Variants in GRIK2 observed in about 807,000 individuals in gnomAD.
GRIK2 encodes glutamate ionotropic receptor kainate type subunit 2, also known as glutamate receptor ionotropic, kainate 2.
Under a neutral mutation model 100.3 loss-of-function variants are expected in GRIK2, and 32 were observed. The ratio of observed to expected loss-of-function variants is 0.32; its 90% CI spans 0.24 to 0.43. GRIK2 has a LOEUF of 0.43. Ranked by LOEUF, GRIK2 falls within the 20% of genes least tolerant of loss-of-function variation. The pLI is 1.00. For synonymous variants in GRIK2, 417 were observed against 389.4 expected (o/e 1.07, Z -0.83); for missense variants, 843 against 1,114.9 (o/e 0.76, Z 3.47).
chr6:102,053,091 A>ACACACACAC (rs1554197944), intron 15 of GRIK2, among the ~76,000 whole-genome samples: 3 of 149,268 alleles, frequency 2.0e-5, no homozygotes, highest in African/African-American at 7.4e-5. Context: ...CAACAACAAC[A>ACACACACAC]ACACACACAC....
intron 2 of GRIK2, among the ~76,000 whole-genome samples, chr6:101,490,367 A>G (rs1448428304): frequency 6.8e-6 from 1 of 146,646 alleles, no homozygotes; most frequent in Non-Finnish European, 1.5e-5. Flanking sequence ...GCCTACATAT[A>G]TTAGTGAAAG....
chr6:101,536,133 GTTTT>G (rs991059294), intron 2 of GRIK2, among the ~76,000 whole-genome samples: 1 of 151,430 alleles, frequency 6.6e-6, no homozygotes, highest in Non-Finnish European at 1.5e-5. Context: ...GGATAAAAAA[GTTTT>G]TTTGTGTATG....
chr6:101,619,700 T>C (rs1780055726), intron 2 of GRIK2, among the ~76,000 whole-genome samples: 1 of 152,090 alleles, frequency 6.6e-6, no homozygotes, highest in African/African-American at 2.4e-5. Flanking sequence ...TTACAATTAG[T>C]TAACTATTTT....
At chr6:101,759,816 T>C (rs1777372946) in intron 7 of GRIK2, among the ~76,000 whole-genome samples, 2 of 151,988 alleles carry the variant, frequency 1.3e-5, no homozygotes, top group African/African-American at 4.8e-5. Context: ...AAAGGTTTCT[T>C]TAATAATCAC....
chr6:101,451,399 C>T (rs1582478874), intron 2 of GRIK2, among the ~76,000 whole-genome samples: 1 of 151,496 alleles, frequency 6.6e-6, no homozygotes, highest in Admixed American at 6.6e-5. Flanking sequence ...AGACAGGGGC[C>T]GTATGGTTAT....
chr6:101,995,279 T>C (rs1028957458), intron 14 of GRIK2, among the ~76,000 whole-genome samples: 4 of 151,870 alleles, frequency 2.6e-5, no homozygotes, highest in Non-Finnish European at 5.9e-5. Context: ...GAACCACAAA[T>C]CAAAATGGGC....
At chr6:101,638,175 T>C (rs184710999) in intron 4 of GRIK2, among the ~76,000 whole-genome samples, 2 of 150,876 alleles carry the variant, frequency 1.3e-5, no homozygotes, top group Admixed American at 1.3e-4. Context: ...CATTTACTGA[T>C]TTGTTTGTTT....
intron 7 of GRIK2, among the ~76,000 whole-genome samples, chr6:101,753,887 T>C (rs917325512): frequency 6.6e-6 from 1 of 152,072 alleles, no homozygotes; most frequent in East Asian, 1.9e-4. Context: ...AATTTGTTAA[T>C]TAAAATTATA....
chr6:101,544,799 G>C (rs1776159029), intron 2 of GRIK2, among the ~76,000 whole-genome samples: 1 of 152,078 alleles, frequency 6.6e-6, no homozygotes, highest in African/African-American at 2.4e-5. Flanking sequence ...TAATTAATTT[G>C]TTCAAGGTCA....
chr6:101,907,787 A>G (rs866587649), intron 12 of GRIK2, among the ~76,000 whole-genome samples: 2 of 151,626 alleles, frequency 1.3e-5, no homozygotes, highest in South Asian at 4.1e-4. Flanking sequence ...AAATATGACT[A>G]CGACATAAAC....
At chr6:101,455,777 T>A (rs759751289) in intron 2 of GRIK2, among the ~76,000 whole-genome samples, 2 of 152,088 alleles carry the variant, frequency 1.3e-5, no homozygotes, top group Non-Finnish European at 2.9e-5. Context: ...TGTTACAGAT[T>A]TAGTAATCAG....
chr6:101,759,686 A>AT (rs1777361324), intron 7 of GRIK2, among the ~76,000 whole-genome samples: 2 of 152,110 alleles, frequency 1.3e-5, no homozygotes, highest in South Asian at 2.1e-4. Flanking sequence ...CCAACATTTA[A>AT]TATTAGTTTT....
intron 2 of GRIK2, among the ~76,000 whole-genome samples, chr6:101,510,980 A>G (rs1466112041): frequency 2.6e-5 from 4 of 152,188 alleles, no homozygotes; most frequent in Non-Finnish European, 5.9e-5. Context: ...TTATAACACA[A>G]AGCATGGGGA....
intron 15 of GRIK2, among the ~76,000 whole-genome samples, chr6:102,051,656 A>G (rs987052354): frequency 2.0e-5 from 3 of 152,128 alleles, no homozygotes; most frequent in Non-Finnish European, 4.4e-5. Flanking sequence ...ATATAGTCTC[A>G]CAAGGTTTTA....
intron 2 of GRIK2, among the ~76,000 whole-genome samples, chr6:101,600,069 A>G (rs1401165023): frequency 6.6e-6 from 1 of 151,824 alleles, no homozygotes; most frequent in East Asian, 1.9e-4. Flanking sequence ...GTCTTGAGTT[A>G]ATTTTTATGT....
At chr6:101,883,899 A>G (rs1456459666) in intron 11 of GRIK2, among the ~76,000 whole-genome samples, 1 of 152,172 alleles carries the variant, frequency 6.6e-6, no homozygotes, top group Non-Finnish European at 1.5e-5. Context: ...GTAGGCAAAC[A>G]TGTTCTATAA....
At chr6:101,580,460 C>T (rs1352892212) in intron 2 of GRIK2, among the ~76,000 whole-genome samples, 1 of 152,174 alleles carries the variant, frequency 6.6e-6, no homozygotes, top group Non-Finnish European at 1.5e-5. Flanking sequence ...TTCACCACCT[C>T]TTCCACTACC....
At chr6:101,685,789 A>C (rs1771637674) in intron 6 of GRIK2, among the ~76,000 whole-genome samples, 1 of 152,244 alleles carries the variant, frequency 6.6e-6, no homozygotes, top group African/African-American at 2.4e-5. Flanking sequence ...CTGACAAAAA[A>C]AAAATTAAAA....
chr6:101,670,099 A>G (rs7745860), intron 4 of GRIK2, among the ~76,000 whole-genome samples: 14,456 of 152,070 alleles, frequency 0.095, 728 homozygotes, highest in Admixed American at 0.12. Flanking sequence ...TTTTTTTAAA[A>G]CATTGAATGT....
Sources: allele counts gnomAD v4.1 joint callset (sites outside exome capture counted in the v4.1 genomes callset), GRCh38; gene constraint gnomAD v4.1.1; transcripts MANE v1.5; gene names NCBI Gene and HGNC (gene_info 2026-07-23, HGNC 2026-07-21).